The following ZBTB20 variants were observed in gnomAD, a reference collection of about 807,000 sequenced individuals.
ZBTB20 encodes the protein zinc finger and BTB domain-containing protein 20.
In ZBTB20, 9 loss-of-function variants were observed where a neutral mutation model predicts 56.9. The ratio of observed to expected loss-of-function variants is 0.16; its 90% confidence interval spans 0.10 to 0.28. The LOEUF (loss-of-function observed/expected upper bound fraction) is 0.28. Among genes scored for constraint, ZBTB20 ranks in the 10% least tolerant of loss-of-function variants. The probability of loss-of-function intolerance (pLI) is 1.00; values close to 1 mark genes in which losing one functional copy is unlikely to be tolerated. For missense variants in ZBTB20, 655 were observed against 1,003.0 expected (o/e 0.65, Z 4.69); for synonymous variants, 417 against 420.7 (o/e 0.99, Z 0.11).
chr3:114,860,085 G>T (rs1367030671), intron 4 of ZBTB20, among the ~76,000 whole-genome samples: 2 of 152,102 alleles, frequency 1.3e-5, no homozygotes, highest in African/African-American at 2.4e-5. Context: ...AAGATGGGTG[G>T]ATCACGACGT....
intron 1 of ZBTB20, among the ~76,000 whole-genome samples, chr3:115,116,868 C>G (rs1050416875): frequency 1.3e-5 from 2 of 152,040 alleles, no homozygotes; most frequent in African/African-American, 4.8e-5. Context: ...ATGCTGTAGT[C>G]ATCATGTATC....
At chr3:114,532,334 A>C (rs1339049020) in intron 6 of ZBTB20, among the ~76,000 whole-genome samples, 1 of 152,204 alleles carries the variant, frequency 6.6e-6, no homozygotes, top group Non-Finnish European at 1.5e-5. Flanking sequence ...AGGCTTAAGT[A>C]GGTGGTTTTC....
At chr3:114,763,124 A>G (rs2068548120) in intron 5 of ZBTB20, among the ~76,000 whole-genome samples, 1 of 152,208 alleles carries the variant, frequency 6.6e-6, no homozygotes, top group Admixed American at 6.5e-5. Context: ...CAGTTTTTCT[A>G]AACAAGAAGT....
At chr3:114,892,768 A>G (rs1035797111) in intron 4 of ZBTB20, among the ~76,000 whole-genome samples, 1 of 152,194 alleles carries the variant, frequency 6.6e-6, no homozygotes, top group Non-Finnish European at 1.5e-5. Flanking sequence ...CTAGTTGAAG[A>G]GATCCATAGG....
intron 6 of ZBTB20, among the ~76,000 whole-genome samples, chr3:114,575,217 A>G (rs2053880356): frequency 2.6e-5 from 4 of 152,216 alleles, no homozygotes; most frequent in Admixed American, 1.3e-4. Context: ...CTAGGAAGGC[A>G]GTTTAATTTC....
At chr3:114,505,967 G>A (rs757650215) in intron 6 of ZBTB20, among the ~76,000 whole-genome samples, 3 of 152,024 alleles carry the variant, frequency 2.0e-5, no homozygotes, top group African/African-American at 4.8e-5. Context: ...TTGGCAAAAG[G>A]TTTACAGGAG....
chr3:114,960,177 G>A (rs1345331692), intron 3 of ZBTB20, among the ~76,000 whole-genome samples: 3 of 152,138 alleles, frequency 2.0e-5, no homozygotes, highest in African/African-American at 7.2e-5. Context: ...TTTTCAAAAG[G>A]CTTTTGAGAA....
At chr3:114,579,411 G>A (rs939855136) in intron 6 of ZBTB20, among the ~76,000 whole-genome samples, 1 of 151,540 alleles carries the variant, frequency 6.6e-6, no homozygotes, top group African/African-American at 2.4e-5. Context: ...AACATGGTAT[G>A]CACCTAATGA....
chr3:115,041,196 T>C (rs2081127900), intron 2 of ZBTB20, among the ~76,000 whole-genome samples: 1 of 152,166 alleles, frequency 6.6e-6, no homozygotes, highest in Non-Finnish European at 1.5e-5. Context: ...ATAATACATA[T>C]ATGTGTAAAA....
At chr3:115,030,956 T>C (rs1352206508) in intron 2 of ZBTB20, among the ~76,000 whole-genome samples, 1 of 151,470 alleles carries the variant, frequency 6.6e-6, no homozygotes, top group Non-Finnish European at 1.5e-5. Context: ...AGTACTTTAA[T>C]AAAAATTCAA....
chr3:114,829,689 C>T (rs758259447), intron 4 of ZBTB20, among the ~76,000 whole-genome samples: 1 of 151,750 alleles, frequency 6.6e-6, no homozygotes, highest in Admixed American at 6.6e-5. Context: ...GCAAGTATAA[C>T]TTCATTATTT....
rs189695573 is a variant in ZBTB20 at position 114,920,077 on chromosome 3, A to G, written c.-455-19735T>C. Among the ~76,000 whole-genome samples, 133 of 152,328 alleles carry G rather than the reference A, an allele frequency of 8.7e-4. 2 individuals carry two copies. The highest frequency in any genetic ancestry group is 2.1e-3 in the South Asian group (10 of 4,832). ...GTGGTCAATTCATTAAGAGGATATA[A>G]AAAATTGCACATATACATGCACTCA... On this transcript the variant is annotated intron_variant, in intron 3 of 11. Coordinates refer to ENST00000675478, the MANE Select transcript of ZBTB20 (RefSeq NM_001348800.3).
chr3:114,489,044 T>A (rs769237571), intron 7 of ZBTB20, among the ~76,000 whole-genome samples: 1 of 152,174 alleles, frequency 6.6e-6, no homozygotes. Context: ...TATGGAAATA[T>A]AATATTTCCT....
At chr3:114,808,582 C>T (rs2072289022) in intron 4 of ZBTB20, among the ~76,000 whole-genome samples, 2 of 151,850 alleles carry the variant, frequency 1.3e-5, no homozygotes, top group South Asian at 4.2e-4. Context: ...CTTGATCAGT[C>T]TAGCAAAAGA....
intron 1 of ZBTB20, among the ~76,000 whole-genome samples, chr3:115,119,757 G>A (rs1306399022): frequency 3.9e-5 from 6 of 152,046 alleles, no homozygotes; most frequent in East Asian, 3.8e-4. Context: ...TCACGATTCC[G>A]ATTCCTTGCT....
chr3:115,101,528 C>A (rs1036239871), intron 1 of ZBTB20, among the ~76,000 whole-genome samples: 1 of 152,154 alleles, frequency 6.6e-6, no homozygotes, highest in Non-Finnish European at 1.5e-5. Flanking sequence ...TCCTCGTCCC[C>A]GAATTTTTAA....
chr3:115,121,423 A>T (rs2084178132), intron 1 of ZBTB20, among the ~76,000 whole-genome samples: 2 of 151,954 alleles, frequency 1.3e-5, no homozygotes, highest in South Asian at 4.1e-4. Context: ...AAAATAAAGG[A>T]TGAAAGGAAT....
intron 1 of ZBTB20, among the ~76,000 whole-genome samples, chr3:115,129,029 G>T (rs2084424585): frequency 6.6e-6 from 1 of 151,982 alleles, no homozygotes; most frequent in Non-Finnish European, 1.5e-5. Context: ...AACCCGGGAG[G>T]CAGAGCTTGC....
chr3:114,523,890 G>T (rs1468698648), intron 6 of ZBTB20, among the ~76,000 whole-genome samples: 2 of 152,174 alleles, frequency 1.3e-5, no homozygotes, highest in African/African-American at 2.4e-5. Context: ...TATTATATTT[G>T]CTGGGCAGCA....
Sources: allele counts gnomAD v4.1 joint callset (sites outside exome capture counted in the v4.1 genomes callset), GRCh38; gene constraint gnomAD v4.1.1; transcripts MANE v1.5; gene names NCBI Gene and HGNC (gene_info 2026-07-23, HGNC 2026-07-21).